Variants in GLI3 observed in about 807,000 individuals in gnomAD.
The protein encoded by GLI3 is GLI family zinc finger 3.
A neutral mutation model predicts 100.8 loss-of-function variants in GLI3; 20 were observed. The ratio of observed to expected loss-of-function variants is 0.20; its 90% CI spans 0.14 to 0.29. GLI3 has a LOEUF of 0.29. Ranked by LOEUF, GLI3 falls within the 10% of genes least tolerant of loss-of-function variation. The probability of loss-of-function intolerance (pLI) is 1.00; values close to 1 mark genes in which losing one functional copy is unlikely to be tolerated. For missense variants in GLI3, 2,040 were observed against 2,128.5 expected, an observed-to-expected ratio of 0.96 and a Z score of 0.82; for synonymous variants, 938 against 860.5, an observed-to-expected ratio of 1.09 and a Z score of -1.58.
chr7:42,137,842 C>T (rs980608756), intron 3 of GLI3, among the ~76,000 whole-genome samples: 3 of 152,166 alleles, frequency 2.0e-5, no homozygotes, highest in Non-Finnish European at 4.4e-5. Flanking sequence ...TACATAAAAT[C>T]GCCTTAAGAC....
At chr7:42,139,604 G>A (rs1019308585) in intron 3 of GLI3, among the ~76,000 whole-genome samples, 31 of 151,754 alleles carry the variant, frequency 2.0e-4, no homozygotes, top group African/African-American at 6.0e-4. Context: ...ACTTGAACCC[G>A]GGAAGCAGAG....
At chr7:42,012,846 C>T (rs1562684862) in intron 10 of GLI3, among the ~76,000 whole-genome samples, 3 of 152,258 alleles carry the variant, frequency 2.0e-5, no homozygotes, top group African/African-American at 7.2e-5. Flanking sequence ...GTAGAAACTG[C>T]ACCAGAGGAA....
chr7:42,171,880 T>C (rs1030801836), intron 2 of GLI3, among the ~76,000 whole-genome samples: 1 of 152,160 alleles, frequency 6.6e-6, no homozygotes. Flanking sequence ...TTCTTAGAAA[T>C]TTTAATGGTA....
chr7:41,994,824 A>G (rs1379790428), intron 10 of GLI3, among the ~76,000 whole-genome samples: 1 of 152,218 alleles, frequency 6.6e-6, no homozygotes, highest in African/African-American at 2.4e-5. Context: ...TGTATATTGC[A>G]TAATCATTCA....
At chr7:42,263,746 C>T (rs990335988) in intron 1 of GLI3, among the ~76,000 whole-genome samples, 2 of 152,174 alleles carry the variant, frequency 1.3e-5, no homozygotes, top group Non-Finnish European at 2.9e-5. Flanking sequence ...CCGCACCCCA[C>T]CAGATCTTGA....
intron 3 of GLI3, chr7:42,118,177 A>T (rs1292218707): frequency 1.0e-5 from 4 of 394,656 alleles, no homozygotes; most frequent in South Asian, 1.4e-4. Context: ...AATGAAATAC[A>T]CTCAAGGGCT....
intron 10 of GLI3, among the ~76,000 whole-genome samples, chr7:41,999,105 T>C (rs935246922): frequency 3.9e-5 from 6 of 152,274 alleles, no homozygotes; most frequent in African/African-American, 7.2e-5. Context: ...GGGTAGCATA[T>C]CATTTTCCAC....
chr7:42,194,757 C>T (rs373942753), intron 2 of GLI3, among the ~76,000 whole-genome samples: 9 of 81,832 alleles, frequency 1.1e-4, no homozygotes, highest in South Asian at 7.8e-4. Context: ...CTCTCTCTGT[C>T]TCTTTTTTTT....
rs770522719 is a variant in GLI3, at chr7:41,966,006, G to C, written c.3067C>G (p.Arg1023Gly). The change falls in exon 15 of 15, where the codon CGC (arginine) becomes GGC (glycine). Residue 1023 changes from arginine to glycine, a missense_variant. Arg to Gly is a moderately radical substitution (Grantham distance 125). Around this residue, in one of 5 missense-constraint regions of GLI3, gnomAD observed 1,041 missense variants for 924.0 expected, o/e 1.13. Transcript: ENST00000395925. The surrounding 1 kb of genome is among the most constrained non-coding windows in gnomAD (Gnocchi z 5.8). ...TTGCAGCTGCTGAGGCTGCTGAAGC[G>C]CGGCACACGAGGCAGGGCCAGGCCC... ...SEGLALPRVP[R>G]FSSLSSCNPP... 3.7e-6 allele frequency: 6 copies of C among 1,600,768 alleles called. No homozygotes were observed. The highest frequency in any genetic ancestry group is 1.3e-5 in the African/African-American group (1 of 74,996).
At chr7:42,057,899 C>A (rs763529861) in intron 4 of GLI3, among the ~76,000 whole-genome samples, 11 of 151,732 alleles carry the variant, frequency 7.2e-5, no homozygotes, top group Non-Finnish European at 1.5e-4. Context: ...GAGGGGTCAG[C>A]GGAGGGGAAT....
chr7:42,156,321 T>C (rs1000692662), intron 2 of GLI3, among the ~76,000 whole-genome samples: 1 of 152,222 alleles, frequency 6.6e-6, no homozygotes, highest in Non-Finnish European at 1.5e-5. Context: ...TGCCAGTCGC[T>C]GCTTACACAG....
chr7:42,101,112 A>T (rs1452017560), intron 3 of GLI3, among the ~76,000 whole-genome samples: 2 of 152,184 alleles, frequency 1.3e-5, no homozygotes, highest in Non-Finnish European at 2.9e-5. Context: ...TCCTGTGAGT[A>T]GGAGTAGCAG....
intron 3 of GLI3, among the ~76,000 whole-genome samples, chr7:42,133,516 G>A (rs1284975129): frequency 6.6e-6 from 1 of 152,056 alleles, no homozygotes; most frequent in Admixed American, 6.6e-5. Flanking sequence ...CAGGAGGGCT[G>A]ACACTACATC....
At chr7:42,158,475 T>G (rs1202659042) in intron 2 of GLI3, among the ~76,000 whole-genome samples, 1 of 152,048 alleles carries the variant, frequency 6.6e-6, no homozygotes, top group East Asian at 1.9e-4. Flanking sequence ...CACTGTTCTA[T>G]CTGTACATGT....
intron 7 of GLI3, among the ~76,000 whole-genome samples, chr7:42,037,559 T>A (rs1286826991): frequency 6.6e-6 from 1 of 152,172 alleles, no homozygotes; most frequent in African/African-American, 2.4e-5. Flanking sequence ...TGTGTAAGAA[T>A]AGACATATAG....
intron 2 of GLI3, among the ~76,000 whole-genome samples, chr7:42,149,673 A>T: frequency 6.6e-6 from 1 of 152,212 alleles, no homozygotes; most frequent in East Asian, 1.9e-4. Context: ...TCTTAAAAAA[A>T]AACTGTATTT....
At chr7:42,220,534 T>A (rs372325756) in intron 2 of GLI3, among the ~76,000 whole-genome samples, 4 of 152,266 alleles carry the variant, frequency 2.6e-5, no homozygotes, top group Middle Eastern at 3.4e-3. Flanking sequence ...CAAGACTGAG[T>A]GCAGAGGCAG....
At chr7:42,181,318 A>G (rs574017761) in intron 2 of GLI3, among the ~76,000 whole-genome samples, 20 of 152,316 alleles carry the variant, frequency 1.3e-4, no homozygotes, top group African/African-American at 4.8e-4. Flanking sequence ...CAGAATTTCC[A>G]GGCTAGGCGC....
At position 42,025,349 on chromosome 7, in the gene GLI3, C is replaced by G; in HGVS notation, c.1271G>C (p.Ser424Thr). The G allele has an allele frequency of 6.2e-7, 1 of 1,613,994 alleles. No individual in the cohort carries two copies. The change falls in exon 9 of 15, where the codon AGC (serine) becomes ACC (threonine). Residue 424 changes from serine to threonine, a missense_variant. Physicochemically the swap from Ser to Thr is moderately conservative, Grantham distance 58. Transcript: ENST00000395925. Reference protein sequence around the residue: ...QNKPTSESAVSSTGDPMHNKR... With the variant: ...QNKPTSESAVTSTGDPMHNKR... The stretch of plus-strand genomic sequence containing the variant: ...GTTGTGCATCGGGTCACCAGTGCTG[C>G]TCACTGCAGACTCACTCGTGGGCTT...
Sources: gnomAD v4.1 joint callset for allele counts (sites outside exome capture counted in the v4.1 genomes callset) on GRCh38, gnomAD v4.1.1 for gene constraint, gnomAD v4.1.1 regional missense constraint, Gnocchi (gnomAD v3.1) non-coding constraint, MANE v1.5 for transcripts, NCBI Gene and HGNC (gene_info 2026-07-23, HGNC 2026-07-21) for gene names.